NCAN: variants seen among roughly 807,000 people sequenced by gnomAD.
NCAN encodes neurocan core protein.
NCAN carries 47 observed loss-of-function variants against 121.8 expected under a neutral mutation model. The observed-to-expected ratio is 0.39, with a 90% CI of 0.31 to 0.49. The LOEUF (loss-of-function observed/expected upper bound fraction) is 0.49, where lower values mean the gene tolerates loss of function less well. Among genes scored for constraint, NCAN ranks in the 20% least tolerant of loss-of-function variants. NCAN has a pLI of 0.92. For synonymous variants in NCAN, 633 were observed against 702.0 expected (o/e 0.90, Z 1.55); for missense variants, 1,517 against 1,773.4 (o/e 0.86, Z 2.60).
chr19:19,217,305 T>C (rs1193542807), intron 2 of NCAN, among the ~76,000 whole-genome samples: 1 of 152,190 alleles, frequency 6.6e-6, no homozygotes, highest in East Asian at 1.9e-4. Flanking sequence ...AGTGCAGAGA[T>C]TGATTAGTGA....
chr19:19,230,569 A>G (rs1344613688), intron 8 of NCAN, among the ~76,000 whole-genome samples: 2 of 150,976 alleles, frequency 1.3e-5, no homozygotes. Context: ...GGCCTGGCTA[A>G]TTTTTGTATT....
chr19:19,217,591 G>A (rs1411845122), intron 2 of NCAN, among the ~76,000 whole-genome samples: 3 of 152,162 alleles, frequency 2.0e-5, no homozygotes, highest in Non-Finnish European at 4.4e-5. Context: ...GCTGTCTTTT[G>A]CTTTACCTTT....
At chr19:19,222,677 A>G (rs1475971918) in intron 3 of NCAN, among the ~76,000 whole-genome samples, 3 of 152,102 alleles carry the variant, frequency 2.0e-5, no homozygotes, top group African/African-American at 7.2e-5. Flanking sequence ...GTTTCATTTC[A>G]TTGTCTTGTT....
intron 9 of NCAN, among the ~76,000 whole-genome samples, chr19:19,234,409 A>G (rs1208764876): frequency 6.6e-6 from 1 of 152,256 alleles, no homozygotes; most frequent in Non-Finnish European, 1.5e-5. Context: ...AACAATAAAT[A>G]TAAATGATAT....
chr19:19,248,877 C>A lies in NCAN; in HGVS notation c.3815C>A (p.Thr1272Asn). ...GKWDRPQIVC[T>N]KPRRSHRMRR... ...TGGGACAGGCCCCAAATTGTCTGCACCAAACGTAAGTAGCTTCTCCCAGAG... is the reference window on the plus strand; with the variant it reads ...TGGGACAGGCCCCAAATTGTCTGCAACAAACGTAAGTAGCTTCTCCCAGAG... Residue 1272 changes from threonine (T) to asparagine (N), a missense_variant, in exon 14 of 15, where the codon ACC (threonine) becomes AAC (asparagine). Thr to Asn is a moderately conservative substitution (Grantham distance 65). Transcript: ENST00000252575. 6.2e-7 allele frequency: 1 copy of A among 1,613,840 alleles called. No homozygotes were observed. The highest frequency in any genetic ancestry group is 8.5e-7 in the Non-Finnish European group (1 of 1,179,794).
At chr19:19,236,838 C>G (rs1205442784) in intron 10 of NCAN, among the ~76,000 whole-genome samples, 1 of 151,944 alleles carries the variant, frequency 6.6e-6, no homozygotes, top group Non-Finnish European at 1.5e-5. Flanking sequence ...AAGCGATTCT[C>G]TTGCTTCAGC....
intron 8 of NCAN, among the ~76,000 whole-genome samples, chr19:19,231,822 A>C (rs986472204): frequency 6.6e-6 from 1 of 152,000 alleles, no homozygotes. Context: ...TCTACAAAAC[A>C]AATTTTAAAA....
At chr19:19,226,459 CACA>C in intron 6 of NCAN, 24 bp from the exon 7 acceptor site, 1 of 1,529,386 alleles carries the variant, frequency 6.5e-7, no homozygotes, top group Non-Finnish European at 8.8e-7. Flanking sequence ...CTGGGCCTAA[CACA>C]ACCTCTTCTG....
intron 3 of NCAN, among the ~76,000 whole-genome samples, chr19:19,223,638 AT>A (rs746341341): frequency 6.6e-6 from 1 of 151,694 alleles, no homozygotes; most frequent in African/African-American, 2.4e-5. Context: ...ATGCCCAGCT[AT>A]TTTTTGTATT....
intron 8 of NCAN, 113 bp from the exon 9 acceptor site, chr19:19,233,676 G>GGGCT: frequency 3.0e-6 from 2 of 676,604 alleles, no homozygotes; most frequent in Non-Finnish European, 5.4e-6. Flanking sequence ...GTTATAAAGA[G>GGGCT]GGCTCCATAG....
intron 1 of NCAN, among the ~76,000 whole-genome samples, chr19:19,215,602 A>C (rs2060793542): frequency 6.6e-6 from 1 of 152,090 alleles, no homozygotes; most frequent in African/African-American, 2.4e-5. Flanking sequence ...AGTCAGGAGG[A>C]GGATGGGTGG....
At chr19:19,238,606 C>CTTCA (rs2146552475) in intron 11 of NCAN, 195 bp downstream of exon 11, 2 of 641,578 alleles carry the variant, frequency 3.1e-6, no homozygotes, top group Non-Finnish European at 5.5e-6. Flanking sequence ...CATACATTCA[C>CTTCA]TTCATTCATT....
chr19:19,239,838 C>T (rs1432375195), intron 11 of NCAN, among the ~76,000 whole-genome samples: 2 of 135,804 alleles, frequency 1.5e-5, no homozygotes, highest in Non-Finnish European at 3.2e-5. Flanking sequence ...TCCCACTCTT[C>T]CCCCTCCTCC....
intron 11 of NCAN, among the ~76,000 whole-genome samples, chr19:19,239,467 T>G (rs1305280974): frequency 3.2e-4 from 35 of 109,466 alleles, no homozygotes; most frequent in African/African-American, 1.1e-3. Flanking sequence ...CTCTCCCTCC[T>G]CCTTCCATTC....
rs1232080803 is a variant in NCAN, at chr19:19,224,964, GC to G, written c.779-9del. On this transcript the variant is annotated splice_polypyrimidine_tract_variant and intron_variant, in intron 5 of 14. Transcript: ENST00000252575. ...TCCCCAGCCCCCCTGACCTCCACCC[GC>G]CCCTCCCGCAGGCGAGGTCTTCTAC... The G allele has an allele frequency of 7.1e-7, 1 of 1,415,558 alleles. No homozygotes were observed. The highest frequency in any genetic ancestry group is 9.2e-7 in the Non-Finnish European group (1 of 1,090,234). The allele number at this position is 1,415,558 out of a possible 1,614,324, so 87.7% of individuals were successfully genotyped here.
rs780419383 is a variant in NCAN at position 19,219,000 on chromosome 19, G to A, written c.159G>A (p.Glu53=). 9.6e-5 allele frequency: 154 copies of A among 1,599,310 alleles called. No homozygotes were observed. The highest frequency in any genetic ancestry group is 1.3e-4 in the Non-Finnish European group (153 of 1,171,236). Residue 53 remains glutamate (E), a synonymous_variant, in exon 3 of 15, where the codon GAG becomes GAA. Transcript: ENST00000252575. ...GGTCAGTGCAGGCTGCGCTGGCGGAGCTGGTGGCCCTGCCCTGTCTCTTTA... is the reference window on the plus strand; with the variant it reads ...GGTCAGTGCAGGCTGCGCTGGCGGAACTGGTGGCCCTGCCCTGTCTCTTTA... ...GSGSVQAALA[E]LVALPCLFTL...
At position 19,228,094 on chromosome 19, in the gene NCAN, C is replaced by T. The variant is rs763003445; in HGVS notation, c.2474C>T (p.Thr825Ile). 3 of 1,613,526 alleles carry T rather than the reference C, an allele frequency of 1.9e-6. No homozygotes were observed. In the African/African-American group the frequency reaches 4.0e-5, roughly 22 times the overall value. Residue 825 changes from threonine (T) to isoleucine (I), a missense_variant, in exon 8 of 15, where the codon ACT (threonine) becomes ATT (isoleucine). Transcript: ENST00000252575. ...EPWVATDEGP[T>I]VNPMDSTVTP... Reference sequence around the variant, plus strand: ...TGGGTTGCTACAGATGAAGGACCCACTGTGAATCCCATGGATTCCACAGTC... The same window carrying T: ...TGGGTTGCTACAGATGAAGGACCCATTGTGAATCCCATGGATTCCACAGTC...
Position 19,250,037 on chromosome 19 carries a change from C to A in NCAN, c.*126C>A. 1 of 959,936 alleles carries A rather than the reference C, an allele frequency of 1.0e-6. No individual in the cohort carries two copies. The highest frequency in any genetic ancestry group is 1.6e-6 in the Non-Finnish European group (1 of 611,276). The allele number at this position is 959,936 out of a possible 1,614,324, so 59.5% of individuals were successfully genotyped here. On this transcript the variant is annotated 3_prime_UTR_variant, in exon 15 of 15. Coordinates refer to ENST00000252575, the MANE Select transcript of NCAN (RefSeq NM_004386.3). The stretch of plus-strand genomic sequence containing the variant: ...CCTGAACCCCAAACCACATCCCCCA[C>A]ACACATAATCCTTTGTACAAAGCTC...
chr19:19,236,601 CT>C (rs888156805), intron 10 of NCAN, among the ~76,000 whole-genome samples: 1 of 150,722 alleles, frequency 6.6e-6, no homozygotes, highest in East Asian at 1.9e-4. Flanking sequence ...GTTTAATTTA[CT>C]TTTTTTTTGT....
Sources: allele counts gnomAD v4.1 joint callset (sites outside exome capture counted in the v4.1 genomes callset), GRCh38; gene constraint gnomAD v4.1.1; transcripts MANE v1.5; gene names NCBI Gene and HGNC (gene_info 2026-07-23, HGNC 2026-07-21).